The following KIAA1217 variants were observed in gnomAD, a reference collection of about 807,000 sequenced individuals.
KIAA1217 encodes the protein KIAA1217.
Under a neutral mutation model 163.9 loss-of-function variants are expected in KIAA1217, and 88 were observed. The observed-to-expected ratio is 0.54, with a 90% CI of 0.45 to 0.64. The LOEUF (loss-of-function observed/expected upper bound fraction) is 0.64. Ranked by LOEUF, KIAA1217 falls within the 30% of genes least tolerant of loss-of-function variation. KIAA1217 has a pLI of 0.00. For synonymous variants in KIAA1217, 903 were observed against 923.1 expected (o/e 0.98, Z 0.39); for missense variants, 2,372 against 2,475.0 (o/e 0.96, Z 0.88).
At chr10:23,748,881 G>T (rs1421122430) in intron 1 of KIAA1217, among the ~76,000 whole-genome samples, 1 of 151,956 alleles carries the variant, frequency 6.6e-6, no homozygotes, top group African/African-American at 2.4e-5. Flanking sequence ...CAAGTCTAGG[G>T]TAATGTCAGT....
At chr10:23,724,985 T>A (rs1838057669) in intron 1 of KIAA1217, among the ~76,000 whole-genome samples, 1 of 151,812 alleles carries the variant, frequency 6.6e-6, no homozygotes, top group Non-Finnish European at 1.5e-5. Context: ...AAGTCATTGG[T>A]TCTACCTTAG....
rs942366592 is a variant in KIAA1217 at position 23,895,126 on chromosome 10, A to C, written c.-320-112099A>C. On this transcript the variant is annotated intron_variant, in intron 1 of 18. Transcript: ENST00000376462. ...ACACCAAAAGCAATGGCAACAAAAG[A>C]CAAAATTGACAAATGGGATCTCATT... 3.1e-4 allele frequency among the ~76,000 whole-genome samples: 47 copies of C among 152,076 alleles called. No individual in the cohort carries two copies. In the East Asian group the frequency reaches 4.3e-3, roughly 14 times the overall value.
intron 2 of KIAA1217, among the ~76,000 whole-genome samples, chr10:24,031,043 G>A (rs887044722): frequency 5.9e-5 from 9 of 152,152 alleles, no homozygotes; most frequent in South Asian, 4.1e-4. Flanking sequence ...GGTATATCCC[G>A]ACAAATGGAA....
chr10:24,262,585 C>T (rs1409591052), intron 2 of KIAA1217, among the ~76,000 whole-genome samples: 1 of 145,744 alleles, frequency 6.9e-6, no homozygotes, highest in African/African-American at 2.6e-5. Context: ...CCAGATCACA[C>T]AACTGCACTC....
In KIAA1217 at chr10:24,230,502, G is replaced by GTTTTTTTTTTTTTTTTTTT. The variant is rs71397936; in HGVS notation, c.354+10596_354+10614dup. ...TTGGGTAGGCACTACTATTTGTTTTGTTTTTTTTTTTTTTTTTTTTTGAGA... is the reference window on the plus strand; with the variant it reads ...TTGGGTAGGCACTACTATTTGTTTTGTTTTTTTTTTTTTTTTTTTTTTTTTTTTTTTTTTTTTTTTGAGA... On this transcript the variant is annotated intron_variant, in intron 2 of 20. Transcript: ENST00000376454. Among the ~76,000 whole-genome samples the GTTTTTTTTTTTTTTTTTTT allele has an allele frequency of 3.3e-5, 3 of 90,608 alleles. 1 individual carries two copies. Among genetic ancestry groups the GTTTTTTTTTTTTTTTTTTT allele is most frequent in the Non-Finnish European group, 1.9e-5 (1 of 51,434 alleles). The allele number at this position is 90,608 out of a possible 152,430, so 59.4% of individuals were successfully genotyped here.
intron 1 of KIAA1217, among the ~76,000 whole-genome samples, chr10:23,849,990 C>A (rs1180962677): frequency 2.0e-5 from 3 of 152,110 alleles, no homozygotes; most frequent in Admixed American, 6.6e-5. Context: ...TCAGAGACTG[C>A]AATGGATTTT....
chr10:24,058,507 G>A (rs1564647305), intron 2 of KIAA1217, among the ~76,000 whole-genome samples: 1 of 152,052 alleles, frequency 6.6e-6, no homozygotes, highest in South Asian at 2.1e-4. Flanking sequence ...ACAATATTAA[G>A]TCTTCCTATT....
intron 2 of KIAA1217, among the ~76,000 whole-genome samples, chr10:24,295,801 A>G (rs2040530145): frequency 6.6e-6 from 1 of 152,100 alleles, no homozygotes; most frequent in Non-Finnish European, 1.5e-5. Flanking sequence ...ATCAACCTAA[A>G]TGCCACCTTC....
chr10:24,090,988 C>G lies in KIAA1217; in HGVS notation c.-171+83614C>G, dbSNP rs2061917902. 2.0e-5 allele frequency among the ~76,000 whole-genome samples: 3 copies of G among 151,868 alleles called. No individual in the cohort carries two copies. In the South Asian group the frequency reaches 6.2e-4, roughly 31 times the overall value. The stretch of plus-strand genomic sequence containing the variant: ...TATTACACTTATGATGGTCTCAAAG[C>G]CTTTTCCAAAAATAAGAAAGTACAT... On this transcript the variant is annotated intron_variant, in intron 2 of 18. Coordinates refer to the KIAA1217 transcript ENST00000376462.
chr10:24,219,326 G>T (rs1470696177), intron 1 of KIAA1217, among the ~76,000 whole-genome samples: 4 of 151,978 alleles, frequency 2.6e-5, no homozygotes, highest in Admixed American at 6.5e-5. Context: ...TACCCAGGCT[G>T]GTCTCGAACT....
chr10:23,750,115 T>A (rs577624161), intron 1 of KIAA1217, among the ~76,000 whole-genome samples: 1 of 152,322 alleles, frequency 6.6e-6, no homozygotes, highest in South Asian at 2.1e-4. Flanking sequence ...ACCTAGGCCA[T>A]TGCAGTCCTT....
intron 2 of KIAA1217, among the ~76,000 whole-genome samples, chr10:24,155,826 T>TA (rs889516694): frequency 2.1e-4 from 30 of 145,084 alleles, no homozygotes; most frequent in South Asian, 6.6e-4. Flanking sequence ...TGACTTGGAA[T>TA]AAAAAAAAAA....
intron 2 of KIAA1217, among the ~76,000 whole-genome samples, chr10:24,135,288 G>A (rs756837454): frequency 2.6e-5 from 4 of 152,194 alleles, no homozygotes; most frequent in Non-Finnish European, 4.4e-5. Context: ...AGATGAGACA[G>A]ATGTTCTGTT....
intron 12 of KIAA1217, among the ~76,000 whole-genome samples, 179 bp from the exon 13 acceptor site, chr10:24,524,144 C>T (rs1312832285): frequency 1.3e-5 from 2 of 152,124 alleles, no homozygotes; most frequent in Non-Finnish European, 1.5e-5. Flanking sequence ...GATGGAGTTG[C>T]AAGGGTCTGA....
intron 14 of KIAA1217, among the ~76,000 whole-genome samples, chr10:24,528,602 T>C (rs1230080073): frequency 6.6e-6 from 1 of 152,188 alleles, no homozygotes; most frequent in Non-Finnish European, 1.5e-5. Flanking sequence ...TAGCTAGAAT[T>C]ACAGGCTTGA....
chr10:23,799,816 C>A (rs1025125528), intron 1 of KIAA1217, among the ~76,000 whole-genome samples: 1 of 152,064 alleles, frequency 6.6e-6, no homozygotes, highest in African/African-American at 2.4e-5. Flanking sequence ...CAAGGACCAC[C>A]GTCTTTGGAA....
intron 5 of KIAA1217, among the ~76,000 whole-genome samples, chr10:24,444,153 G>C (rs2060727259): frequency 6.6e-6 from 1 of 152,030 alleles, no homozygotes; most frequent in South Asian, 2.1e-4. Flanking sequence ...CGGGACTACA[G>C]GTGCACACCA....
At position 24,248,321 on chromosome 10, in the gene KIAA1217, T is replaced by C. The variant is rs181703161; in HGVS notation, c.354+28412T>C. The stretch of plus-strand genomic sequence containing the variant: ...ATCAACAAAAGAATTAAATTTATTG[T>C]AGGTCAGGGCATCTTTTGACTCATT... On this transcript the variant is annotated intron_variant, in intron 2 of 20. Transcript: ENST00000376454. Among the ~76,000 whole-genome samples the C allele has an allele frequency of 3.3e-5, 5 of 152,302 alleles. No homozygotes were observed. In the East Asian group the frequency reaches 7.7e-4, roughly 24 times the overall value.
At chr10:23,739,850 G>A (rs1839010271) in intron 1 of KIAA1217, among the ~76,000 whole-genome samples, 1 of 152,166 alleles carries the variant, frequency 6.6e-6, no homozygotes, top group South Asian at 2.1e-4. Context: ...GAGAAGTGCT[G>A]GGAGTTCAGC....
Sources: gnomAD v4.1 joint callset for allele counts (sites outside exome capture counted in the v4.1 genomes callset) on GRCh38, gnomAD v4.1.1 for gene constraint, MANE v1.5 for transcripts, NCBI Gene and HGNC (gene_info 2026-07-23, HGNC 2026-07-21) for gene names.